PRKN: variants seen among roughly 807,000 people sequenced by gnomAD.
The protein encoded by PRKN is E3 ubiquitin-protein ligase parkin.
In PRKN, 56 loss-of-function variants were observed where a neutral mutation model predicts 59.5. The observed-to-expected ratio is 0.94, with a 90% CI of 0.76 to 1.18. PRKN has a LOEUF of 1.18. PRKN is among the 50% of genes most tolerant of loss of function. PRKN has a pLI of 0.00. For missense variants in PRKN, 657 were observed against 596.4 expected (o/e 1.10, Z -1.06); for synonymous variants, 250 against 222.1 (o/e 1.13, Z -1.12).
intron 5 of PRKN, among the ~76,000 whole-genome samples, chr6:161,990,828 C>A (rs1294802478): frequency 6.6e-6 from 1 of 152,096 alleles, no homozygotes; most frequent in Non-Finnish European, 1.5e-5. Context: ...ACATGGAAAG[C>A]CTATTTAACA....
intron 1 of PRKN, among the ~76,000 whole-genome samples, chr6:162,723,635 A>C (rs2128241148): frequency 6.6e-6 from 1 of 152,348 alleles, no homozygotes. Flanking sequence ...TGGGCAACTT[A>C]TTTTGGAAAA....
At chr6:161,510,145 T>C (rs1180098507) in intron 9 of PRKN, among the ~76,000 whole-genome samples, 3 of 152,156 alleles carry the variant, frequency 2.0e-5, no homozygotes, top group Admixed American at 2.0e-4. Context: ...TATAAAATTG[T>C]GTTTTAAGAG....
rs1385821060 is a variant in PRKN at position 162,472,468 on chromosome 6, T to TATATATATATATATATA, written c.8-28996_8-28995insTATATATATATATATAT. 9.5e-4 allele frequency among the ~76,000 whole-genome samples: 99 copies of TATATATATATATATATA among 104,262 alleles called. 1 individual carries two copies. Among genetic ancestry groups the TATATATATATATATATA allele is most frequent in the South Asian group, 1.2e-3 (4 of 3,362 alleles). The allele number at this position is 104,262 out of a possible 152,430, so 68.4% of individuals were successfully genotyped here. A position where few individuals can be genotyped will look rare whatever the true frequency, so the allele number is the denominator to read the frequency against. ...AGTCCAAACTCTAACTTTTATTTTA[T>TATATATATATATATATA]TTTATTTTATTTTATTTTATTTTAT... On this transcript the variant is annotated intron_variant, in intron 1 of 11. Transcript: ENST00000366898.
rs148614434 is a variant in PRKN at position 162,030,968 on chromosome 6, A to C, written c.618+23123T>G. 7.9e-4 allele frequency among the ~76,000 whole-genome samples: 120 copies of C among 152,338 alleles called. 1 individual carries two copies. In the East Asian group the frequency reaches 0.023, roughly 29 times the overall value. ...CACGAAAGGAGTAAATGGGGAAGGA[A>C]GAATGAGAGAACAAAGAAATTAAAA... is the stretch of plus-strand genomic sequence containing the variant. On this transcript the variant is annotated intron_variant, in intron 5 of 11. Transcript: ENST00000366898.
chr6:161,500,880 T>TTTC (rs1161807941), intron 9 of PRKN, among the ~76,000 whole-genome samples: 1 of 147,392 alleles, frequency 6.8e-6, no homozygotes, highest in African/African-American at 2.5e-5. Context: ...TTTTTTCTTT[T>TTTC]TTTTTTTTTT....
chr6:161,955,897 T>C (rs28562453), intron 6 of PRKN, among the ~76,000 whole-genome samples: 3 of 152,120 alleles, frequency 2.0e-5, no homozygotes, highest in African/African-American at 4.8e-5. Flanking sequence ...AGATGATATC[T>C]GGGATGTGAA....
chr6:162,340,914 C>A (rs1784149427), intron 2 of PRKN, among the ~76,000 whole-genome samples: 1 of 152,106 alleles, frequency 6.6e-6, no homozygotes, highest in Non-Finnish European at 1.5e-5. Flanking sequence ...CCAAACTTGA[C>A]AAATGGGATC....
chr6:162,415,732 G>A (rs987872830), intron 2 of PRKN, among the ~76,000 whole-genome samples: 6 of 152,110 alleles, frequency 3.9e-5, no homozygotes, highest in East Asian at 1.9e-4. Flanking sequence ...CAAGGGAATC[G>A]CTTGAACCCG....
intron 6 of PRKN, among the ~76,000 whole-genome samples, chr6:161,852,397 G>T (rs558793073): frequency 6.6e-6 from 1 of 152,212 alleles, no homozygotes; most frequent in South Asian, 2.1e-4. Context: ...AGGCTGCAAT[G>T]AGCTATGATC....
At chr6:162,497,074 T>C (rs1420142395) in intron 1 of PRKN, among the ~76,000 whole-genome samples, 1 of 152,230 alleles carries the variant, frequency 6.6e-6, no homozygotes, top group Non-Finnish European at 1.5e-5. Flanking sequence ...TGGCTAATTG[T>C]ATAAATTCTG....
intron 7 of PRKN, among the ~76,000 whole-genome samples, chr6:161,779,430 C>CTTTTTTTTTTTTTT (rs1790097814): frequency 6.4e-5 from 3 of 46,902 alleles, no homozygotes; most frequent in African/African-American, 6.9e-5. Flanking sequence ...TTCTCTTTTT[C>CTTTTTTTTTTTTTT]TTTTCTTTTC....
chr6:162,022,267 G>T lies in PRKN; in HGVS notation c.618+31824C>A, dbSNP rs373709995. On this transcript the variant is annotated intron_variant, in intron 5 of 11. Coordinates refer to ENST00000366898, the MANE Select transcript of PRKN (RefSeq NM_004562.3). ...TAGTTCTCTGAGAAATCTCCATAAT[G>T]TTTTCCATAGAGGTTGTGCTAATTT... Among the ~76,000 whole-genome samples the T allele has an allele frequency of 5.9e-5, 9 of 152,202 alleles. 2 individuals are homozygous for T. Among genetic ancestry groups the T allele is most frequent in the African/African-American group, 2.2e-4 (9 of 41,544 alleles).
rs1788506284 is a variant in PRKN, at chr6:161,428,699, C to T, written c.1084-41822G>A. On this transcript the variant is annotated intron_variant, in intron 9 of 11. Transcript: ENST00000366898. This position sits in a 1 kb window ranked among gnomAD's most constrained non-coding sequence, Gnocchi z 4.0. ...TTCACACATATAATAAAGCTCACAA[C>T]CAAAAAAAGCACATTCACATTTTTT... Among the ~76,000 whole-genome samples, 1 of 152,112 alleles carries T rather than the reference C, an allele frequency of 6.6e-6. No individual in the cohort carries two copies. Among genetic ancestry groups the T allele is most frequent in the Non-Finnish European group, 1.5e-5 (1 of 68,000 alleles).
At chr6:162,589,399 C>T (rs1215052856) in intron 1 of PRKN, among the ~76,000 whole-genome samples, 1 of 152,052 alleles carries the variant, frequency 6.6e-6, no homozygotes, top group Non-Finnish European at 1.5e-5. Flanking sequence ...CAGATATATT[C>T]GTATTTTGCT....
At chr6:161,724,310 G>A (rs1787351043) in intron 7 of PRKN, among the ~76,000 whole-genome samples, 1 of 152,172 alleles carries the variant, frequency 6.6e-6, no homozygotes, top group African/African-American at 2.4e-5. Flanking sequence ...AAATTTGAAA[G>A]GATATACATG....
intron 4 of PRKN, among the ~76,000 whole-genome samples, chr6:162,138,617 T>C (rs1781646555): frequency 6.6e-6 from 1 of 151,940 alleles, no homozygotes; most frequent in South Asian, 2.1e-4. Context: ...GTCAAGAATA[T>C]TTAGCTACTA....
At chr6:162,000,380 T>A (rs529442323) in intron 5 of PRKN, among the ~76,000 whole-genome samples, 3 of 152,258 alleles carry the variant, frequency 2.0e-5, no homozygotes, top group Admixed American at 6.5e-5. Flanking sequence ...TTTGTTTTTT[T>A]AAATTTTAAT....
chr6:161,800,174 G>A (rs1281266009), intron 6 of PRKN, among the ~76,000 whole-genome samples: 2 of 152,106 alleles, frequency 1.3e-5, no homozygotes, highest in African/African-American at 2.4e-5. Flanking sequence ...GCATGGACAT[G>A]GTGAAAGCCA....
intron 2 of PRKN, among the ~76,000 whole-genome samples, chr6:162,429,402 T>A (rs562883350): frequency 6.6e-6 from 1 of 152,128 alleles, no homozygotes; most frequent in Non-Finnish European, 1.5e-5. Flanking sequence ...AACAGCTTGA[T>A]CAGCTAGAGC....
Sources: gnomAD v4.1 joint callset for allele counts (sites outside exome capture counted in the v4.1 genomes callset) on GRCh38, gnomAD v4.1.1 for gene constraint, Gnocchi (gnomAD v3.1) non-coding constraint, MANE v1.5 for transcripts, NCBI Gene and HGNC (gene_info 2026-07-23, HGNC 2026-07-21) for gene names.